The following ELAVL2 variants were observed in gnomAD, a reference collection of about 807,000 sequenced individuals.
ELAVL2 encodes the protein ELAV-like protein 2.
In ELAVL2, 4 loss-of-function variants were observed where a neutral mutation model predicts 34.6. That is an observed-to-expected ratio of 0.12 (90% CI 0.06 to 0.26). ELAVL2 has a LOEUF of 0.26. ELAVL2 is among the 10% of genes least tolerant of loss of function. The probability of loss-of-function intolerance (pLI) is 1.00; values close to 1 mark genes in which losing one functional copy is unlikely to be tolerated. For synonymous variants in ELAVL2, 193 were observed against 154.8 expected, an observed-to-expected ratio of 1.25 and a Z score of -1.83; for missense variants, 432 against 442.8, an observed-to-expected ratio of 0.98 and a Z score of 0.22.
chr9:23,779,414 A>G (rs1354595233), intron 1 of ELAVL2: 2 of 985,258 alleles, frequency 2.0e-6, no homozygotes, highest in African/African-American at 3.5e-5. Context: ...TAGCACAGCA[A>G]TGGAAGATCT....
At position 23,768,205 on chromosome 9, in the gene ELAVL2, T is replaced by C. The variant is rs563206090; in HGVS notation, c.-15-5956A>G. ...CAACTACTTTTATCAGCCCACTTAT[T>C]CAAGCACCTTAAGATCTGAACTACT... On this transcript the variant is annotated intron_variant, in intron 1 of 6. Coordinates refer to ENST00000397312, the MANE Select transcript of ELAVL2 (RefSeq NM_004432.5). Among the ~76,000 whole-genome samples the C allele has an allele frequency of 5.9e-4, 90 of 152,292 alleles. 1 individual carries two copies. Among genetic ancestry groups the C allele is most frequent in the African/African-American group, 2.1e-3 (86 of 41,564 alleles).
At chr9:23,727,016 C>A (rs916242319) in intron 3 of ELAVL2, among the ~76,000 whole-genome samples, 18 of 152,070 alleles carry the variant, frequency 1.2e-4, no homozygotes, top group African/African-American at 4.3e-4. Context: ...TACTCCCCCA[C>A]CCCCATGCCT....
chr9:23,760,564 GTTC>G (rs989279502), intron 2 of ELAVL2, among the ~76,000 whole-genome samples: 6 of 151,918 alleles, frequency 3.9e-5, no homozygotes, highest in African/African-American at 1.4e-4. Context: ...GCAGCCTTTT[GTTC>G]TTCACCTTTT....
chr9:23,753,234 C>T (rs1588112051), intron 2 of ELAVL2, among the ~76,000 whole-genome samples: 1 of 152,244 alleles, frequency 6.6e-6, no homozygotes, highest in Admixed American at 6.5e-5. Flanking sequence ...CCACAGCTCT[C>T]AACGTTCAGT....
intron 2 of ELAVL2, among the ~76,000 whole-genome samples, chr9:23,755,814 C>A (rs975793500): frequency 6.6e-6 from 1 of 152,080 alleles, no homozygotes; most frequent in South Asian, 2.1e-4. Context: ...TATTAAGTTA[C>A]CACCCACCCA....
chr9:23,807,490 T>C (rs1280985206), intron 1 of ELAVL2, among the ~76,000 whole-genome samples: 2 of 152,074 alleles, frequency 1.3e-5, no homozygotes, highest in Non-Finnish European at 2.9e-5. Context: ...AAACAACAAA[T>C]GTCTTCCAAA....
At chr9:23,694,007 T>C (rs928632176) in intron 5 of ELAVL2, among the ~76,000 whole-genome samples, 1 of 152,160 alleles carries the variant, frequency 6.6e-6, no homozygotes, top group Non-Finnish European at 1.5e-5. Context: ...AGGGCTTTCA[T>C]CTTTTAGAAT....
In ELAVL2 at chr9:23,691,481, G is replaced by A. The variant is rs2033156223; in HGVS notation, c.*1076C>T. On this transcript the variant is annotated 3_prime_UTR_variant, in exon 7 of 7. Coordinates refer to ENST00000397312, the MANE Select transcript of ELAVL2 (RefSeq NM_004432.5). ...GCAAGTACATCACTAAACACCATGA[G>A]CTCTATCTGAAGGGATTTCTTTAGG... 1 of 152,272 alleles carries A rather than the reference G, an allele frequency of 6.6e-6. No individual in the cohort carries two copies. Among genetic ancestry groups the A allele is most frequent in the African/African-American group, 2.4e-5 (1 of 41,340 alleles). The allele number at this position is 152,272 out of a possible 1,614,324, so 9.4% of individuals were successfully genotyped here. A position where few individuals can be genotyped will look rare whatever the true frequency, so the allele number is the denominator to read the frequency against.
chr9:23,735,451 G>A (rs2047652379), intron 2 of ELAVL2: 1 of 151,908 alleles, frequency 6.6e-6, no homozygotes, highest in Non-Finnish European at 1.5e-5. Flanking sequence ...CTATTTTTTT[G>A]TATTTTTAGT....
At chr9:23,799,230 CTA>C (rs1193497685) in intron 1 of ELAVL2, among the ~76,000 whole-genome samples, 3 of 152,178 alleles carry the variant, frequency 2.0e-5, no homozygotes, top group Non-Finnish European at 4.4e-5. Context: ...TACCTCTCGC[CTA>C]TGACTTCTTA....
At chr9:23,763,614 T>A (rs1213566978) in intron 1 of ELAVL2, among the ~76,000 whole-genome samples, 1 of 151,778 alleles carries the variant, frequency 6.6e-6, no homozygotes, top group Non-Finnish European at 1.5e-5. Flanking sequence ...GAAAAAACTG[T>A]CTTTTAAAAC....
At chr9:23,720,093 C>T (rs1021438620) in intron 3 of ELAVL2, among the ~76,000 whole-genome samples, 7 of 152,068 alleles carry the variant, frequency 4.6e-5, no homozygotes. Context: ...TCCCAAAGTG[C>T]TGGGATTACA....
chr9:23,762,055 C>G lies in ELAVL2; in HGVS notation c.180G>C (p.Gly60=). 1 of 1,613,316 alleles carries G rather than the reference C, an allele frequency of 6.2e-7. No individual in the cohort carries two copies. The highest frequency in any genetic ancestry group is 8.5e-7 in the Non-Finnish European group (1 of 1,179,510). ...MTQEELKSLF[G]SIGEIESCKL... ...TACAGGACTCTATTTCACCAATGCT[C>G]CCAAAGAGACTCTTTAGTTCCTCCT... is the stretch of plus-strand genomic sequence containing the variant. Residue 60 remains glycine, a synonymous_variant, in exon 2 of 7, where the codon GGG becomes GGC. Transcript: ENST00000397312.
intron 1 of ELAVL2, among the ~76,000 whole-genome samples, chr9:23,776,532 C>G (rs1224800115): frequency 6.6e-6 from 1 of 152,148 alleles, no homozygotes; most frequent in East Asian, 1.9e-4. Context: ...TCCTGATCTA[C>G]TGCATGTACC....
At position 23,702,964 on chromosome 9, in the gene ELAVL2, A is replaced by AAAAAAC. The variant is rs1554663905; in HGVS notation, c.488-1361_488-1360insGTTTTT. ...GCATCAGATTAGCAAAAAAAAAAAA[A>AAAAAAC]AAAAAAAAAAAAAAAAACAGCCTCT... On this transcript the variant is annotated intron_variant, in intron 4 of 6. Transcript: ENST00000397312. Among the ~76,000 whole-genome samples, 200 of 141,724 alleles carry AAAAAAC rather than the reference A, an allele frequency of 1.4e-3. 5 individuals are homozygous for AAAAAAC. The highest frequency in any genetic ancestry group is 2.6e-3 in the Non-Finnish European group (170 of 65,424). 93.0% of individuals were successfully genotyped at this position (141,724 alleles called of 152,430 possible).
At chr9:23,753,954 G>A (rs553098088) in intron 2 of ELAVL2, among the ~76,000 whole-genome samples, 1 of 152,264 alleles carries the variant, frequency 6.6e-6, no homozygotes, top group African/African-American at 2.4e-5. Flanking sequence ...GGTTACTGAA[G>A]ACTATTCCTA....
At chr9:23,778,403 C>T (rs1404610728) in intron 1 of ELAVL2, among the ~76,000 whole-genome samples, 2 of 152,298 alleles carry the variant, frequency 1.3e-5, no homozygotes, top group African/African-American at 2.4e-5. Flanking sequence ...TAGTGTTCAA[C>T]ATTTAAAATT....
the ELAVL2 span, among the ~76,000 whole-genome samples, chr9:23,832,634 T>C: frequency 6.6e-6 from 1 of 152,174 alleles, no homozygotes; most frequent in Non-Finnish European, 1.5e-5. Context: ...AGAAGATACA[T>C]GGCATTTTCC....
At chr9:23,849,369 C>G in the ELAVL2 span, 1 of 152,202 alleles carries the variant, frequency 6.6e-6, no homozygotes, top group African/African-American at 2.4e-5. Context: ...ATTTCATCAT[C>G]ATTTAGTATT....
Sources: gnomAD v4.1 joint callset for allele counts (sites outside exome capture counted in the v4.1 genomes callset) on GRCh38, gnomAD v4.1.1 for gene constraint, MANE v1.5 for transcripts, NCBI Gene and HGNC (gene_info 2026-07-23, HGNC 2026-07-21) for gene names.